XKR9: variants seen among roughly 807,000 people sequenced by gnomAD.
XKR9 encodes XK-related protein 9.
In XKR9, 32 loss-of-function variants were observed where a neutral mutation model predicts 32.0. That is an observed-to-expected ratio of 1.00 (90% CI 0.76 to 1.34). The LOEUF is 1.34. XKR9 is among the 40% of genes most tolerant of loss of function. The probability of loss-of-function intolerance (pLI) is 0.00; values close to 1 mark genes in which losing one functional copy is unlikely to be tolerated. For synonymous variants in XKR9, 168 were observed against 143.4 expected (o/e 1.17, Z -1.22); for missense variants, 546 against 429.7 (o/e 1.27, Z -2.39).
chr8:71,026,392 G>T, the XKR9 span, among the ~76,000 whole-genome samples: 1 of 151,808 alleles, frequency 6.6e-6, no homozygotes, highest in African/African-American at 2.4e-5. Context: ...CAAAATTATC[G>T]AGCATCTACT....
rs547156631 is a variant in XKR9 at position 70,678,981 on chromosome 8, A to G, written c.-278-1800A>G. Among the ~76,000 whole-genome samples the G allele has an allele frequency of 5.3e-5, 8 of 152,340 alleles. No homozygotes were observed. The East Asian group carries it at 1.5e-3, about 29-fold the overall frequency. On this transcript the variant is annotated intron_variant, in intron 2 of 4. Coordinates refer to ENST00000408926, the MANE Select transcript of XKR9 (RefSeq NM_001011720.2). The stretch of plus-strand genomic sequence containing the variant: ...TACCACAGACTTATTAGCTTAAACA[A>G]TAGAAATTTATTTTTTGACAGTTCT...
the XKR9 span, among the ~76,000 whole-genome samples, chr8:70,965,764 T>C: frequency 2.0e-5 from 3 of 152,198 alleles, no homozygotes; most frequent in African/African-American, 4.8e-5. Context: ...TATTCTTTAG[T>C]AGTTGGTTGT....
chr8:70,901,507 T>C, the XKR9 span, among the ~76,000 whole-genome samples: 2 of 152,144 alleles, frequency 1.3e-5, no homozygotes, highest in East Asian at 1.9e-4. Flanking sequence ...GAAGGGGTGT[T>C]TGGTTTTTTT....
At chr8:70,698,244 T>A (rs1374563906) in intron 3 of XKR9, among the ~76,000 whole-genome samples, 3 of 152,006 alleles carry the variant, frequency 2.0e-5, no homozygotes, top group Non-Finnish European at 4.4e-5. Context: ...ATGTGTTTGC[T>A]CTTGCTTTTC....
chr8:70,820,602 G>A, the XKR9 span, among the ~76,000 whole-genome samples: 1 of 152,204 alleles, frequency 6.6e-6, no homozygotes, highest in African/African-American at 2.4e-5. Flanking sequence ...GGAAAGGAAA[G>A]AGGTTTAATT....
the XKR9 span, among the ~76,000 whole-genome samples, chr8:70,801,809 G>T: frequency 6.6e-6 from 1 of 152,130 alleles, no homozygotes; most frequent in East Asian, 1.9e-4. Flanking sequence ...CTATTCATAG[G>T]TCTCTAAGAA....
At chr8:70,979,299 C>G in the XKR9 span, among the ~76,000 whole-genome samples, 26 of 152,194 alleles carry the variant, frequency 1.7e-4, no homozygotes, top group African/African-American at 6.3e-4. Context: ...AGCTGCAATC[C>G]TTTGGAGGAG....
At chr8:70,822,026 A>T in the XKR9 span, among the ~76,000 whole-genome samples, 1 of 152,206 alleles carries the variant, frequency 6.6e-6, no homozygotes, top group Admixed American at 6.5e-5. Flanking sequence ...CAAATTTTCC[A>T]AACTTTTATG....
the XKR9 span, among the ~76,000 whole-genome samples, chr8:70,883,697 T>A: frequency 6.6e-6 from 1 of 152,170 alleles, no homozygotes; most frequent in African/African-American, 2.4e-5. Flanking sequence ...TTATTTTATA[T>A]CTTTTTGTGG....
chr8:70,897,711 T>G, the XKR9 span, among the ~76,000 whole-genome samples: 2 of 152,214 alleles, frequency 1.3e-5, no homozygotes, highest in African/African-American at 4.8e-5. Flanking sequence ...TTTTACCCAC[T>G]TTTAAATAGG....
chr8:70,899,787 T>C, the XKR9 span, among the ~76,000 whole-genome samples: 1 of 152,210 alleles, frequency 6.6e-6, no homozygotes, highest in Non-Finnish European at 1.5e-5. Flanking sequence ...TTTGCTTTAC[T>C]CATTTTAAAG....
the XKR9 span, among the ~76,000 whole-genome samples, chr8:70,875,949 A>C: frequency 3.3e-5 from 5 of 152,118 alleles, no homozygotes; most frequent in South Asian, 2.1e-4. Context: ...GGAAAAAAAA[A>C]CTCAGACTCC....
chr8:70,979,536 C>T, the XKR9 span, among the ~76,000 whole-genome samples: 4 of 152,188 alleles, frequency 2.6e-5, no homozygotes, highest in Non-Finnish European at 5.9e-5. Context: ...AGGTCCACTC[C>T]AGACTCTGTT....
the XKR9 span, among the ~76,000 whole-genome samples, chr8:70,890,491 T>G: frequency 6.6e-6 from 1 of 151,978 alleles, no homozygotes; most frequent in African/African-American, 2.4e-5. Flanking sequence ...CTCCTATACC[T>G]AACTTGTTGA....
intron 3 of XKR9, among the ~76,000 whole-genome samples, chr8:70,694,287 G>C (rs574201901): frequency 1.8e-4 from 28 of 152,214 alleles, no homozygotes; most frequent in Admixed American, 1.3e-4. Flanking sequence ...TAGAGCAGCT[G>C]TGTTGTGTCC....
intron 4 of XKR9, among the ~76,000 whole-genome samples, chr8:70,726,948 C>G (rs576784724): frequency 6.6e-6 from 1 of 152,104 alleles, no homozygotes; most frequent in Non-Finnish European, 1.5e-5. Flanking sequence ...ATCCACCTTA[C>G]AGTCCTGATT....
At chr8:70,805,320 G>A in the XKR9 span, among the ~76,000 whole-genome samples, 1 of 152,320 alleles carries the variant, frequency 6.6e-6, no homozygotes, top group Non-Finnish European at 1.5e-5. Context: ...CTGGCGCCTA[G>A]TGTCTCACCC....
chr8:70,815,509 T>TTTTATTTATTTTATTTATTTA, the XKR9 span, among the ~76,000 whole-genome samples: 1 of 141,762 alleles, frequency 7.1e-6, no homozygotes, highest in Non-Finnish European at 1.5e-5. Flanking sequence ...CATTCCTTTA[T>TTTTATTTATTTTATTTATTTA]TTTATTTATT....
chr8:70,853,503 A>G, the XKR9 span, among the ~76,000 whole-genome samples: 4 of 151,882 alleles, frequency 2.6e-5, no homozygotes, highest in Admixed American at 1.3e-4. Flanking sequence ...ACTCATAAAA[A>G]CTAAAAAAAA....
Sources: gnomAD v4.1 joint callset for allele counts (sites outside exome capture counted in the v4.1 genomes callset) on GRCh38, gnomAD v4.1.1 for gene constraint, MANE v1.5 for transcripts, NCBI Gene and HGNC (gene_info 2026-07-23, HGNC 2026-07-21) for gene names.